The following PDE4D variants were observed in gnomAD, a reference collection of about 807,000 sequenced individuals.
PDE4D encodes the protein 3',5'-cyclic-AMP phosphodiesterase 4D.
In PDE4D, 24 loss-of-function variants were observed where a neutral mutation model predicts 87.4. The ratio of observed to expected loss-of-function variants is 0.27; its 90% CI spans 0.20 to 0.39. The LOEUF (loss-of-function observed/expected upper bound fraction) is 0.39. PDE4D is among the 10% of genes least tolerant of loss of function. PDE4D has a pLI of 1.00. For missense variants in PDE4D, 714 were observed against 1,041.0 expected, an observed-to-expected ratio of 0.69 and a Z score of 4.32; for synonymous variants, 384 against 383.2, an observed-to-expected ratio of 1.00 and a Z score of -0.02.
At chr5:59,703,703 T>C (rs377473022) in intron 1 of PDE4D, 1 of 480,642 alleles carries the variant, frequency 2.1e-6, no homozygotes, top group Non-Finnish European at 4.4e-6. Context: ...AGAGCACAGA[T>C]TGACTTGTTG....
intron 1 of PDE4D, among the ~76,000 whole-genome samples, chr5:59,724,815 T>C (rs1198350519): frequency 1.3e-5 from 2 of 152,140 alleles, no homozygotes. Flanking sequence ...ACTAGAGCTT[T>C]TGTGTACTTG....
chr5:59,478,856 G>A (rs1404392863), intron 1 of PDE4D, among the ~76,000 whole-genome samples: 1 of 151,952 alleles, frequency 6.6e-6, no homozygotes, highest in Non-Finnish European at 1.5e-5. Flanking sequence ...TAGAAAAGTA[G>A]CACTTAACAT....
At chr5:59,617,368 C>A (rs1392203875) in intron 1 of PDE4D, among the ~76,000 whole-genome samples, 1 of 152,144 alleles carries the variant, frequency 6.6e-6, no homozygotes, top group African/African-American at 2.4e-5. Flanking sequence ...TAATATTGAT[C>A]TATGAATGTA....
intron 1 of PDE4D, among the ~76,000 whole-genome samples, chr5:59,284,205 C>A (rs1258976174): frequency 6.6e-6 from 1 of 152,142 alleles, no homozygotes; most frequent in Non-Finnish European, 1.5e-5. Context: ...TCTGGCCATG[C>A]AAATCTCTAG....
At chr5:59,203,309 T>G (rs1747965743) in intron 2 of PDE4D, among the ~76,000 whole-genome samples, 1 of 144,684 alleles carries the variant, frequency 6.9e-6, no homozygotes, top group African/African-American at 2.5e-5. Flanking sequence ...ACACCTATAA[T>G]AGTTTTTTTT....
intron 1 of PDE4D, among the ~76,000 whole-genome samples, chr5:59,242,440 T>G (rs1035991155): frequency 6.6e-6 from 1 of 152,098 alleles, no homozygotes; most frequent in African/African-American, 2.4e-5. Context: ...GCATTTGATC[T>G]CAACTCAATT....
chr5:60,070,187 A>G (rs966048455), intron 2 of PDE4D, among the ~76,000 whole-genome samples: 6 of 151,942 alleles, frequency 3.9e-5, no homozygotes, highest in Non-Finnish European at 7.4e-5. Flanking sequence ...TTTCTTACCC[A>G]ATTGCTCTAG....
intron 6 of PDE4D, among the ~76,000 whole-genome samples, chr5:59,024,271 G>A (rs1251238050): frequency 1.6e-5 from 2 of 122,582 alleles, no homozygotes; most frequent in Non-Finnish European, 3.5e-5. Flanking sequence ...CACGATCTTG[G>A]CTCACTGCAA....
chr5:60,203,592 G>A lies in PDE4D; in HGVS notation c.-89-17905C>T, dbSNP rs149656404. ...AATCTAATTTTTCTACAGCGAACAC[G>A]TGGGCTATTTCTATCAAATATGTTT... On this transcript the variant is annotated intron_variant, in intron 1 of 16. Transcript: ENST00000502484. Among the ~76,000 whole-genome samples the A allele has an allele frequency of 2.9e-3, 434 of 152,260 alleles. 3 individuals are homozygous for A. The highest frequency in any genetic ancestry group is 9.9e-3 in the African/African-American group (413 of 41,522).
chr5:60,337,351 C>CAAAATATATATATATATATATA (rs1491477498), intron 1 of PDE4D, among the ~76,000 whole-genome samples: 1 of 62,230 alleles, frequency 1.6e-5, no homozygotes, highest in Non-Finnish European at 3.3e-5. Context: ...AACAAACAAA[C>CAAAATATATATATATATATATA]TATATATATA....
chr5:59,268,260 T>TA (rs1454151495), intron 1 of PDE4D, among the ~76,000 whole-genome samples: 1 of 152,092 alleles, frequency 6.6e-6, no homozygotes, highest in African/African-American at 2.4e-5. Flanking sequence ...AATAAATACT[T>TA]ACAATATTGC....
intron 1 of PDE4D, among the ~76,000 whole-genome samples, chr5:59,255,515 G>C (rs1369119060): frequency 6.6e-6 from 1 of 152,010 alleles, no homozygotes; most frequent in Admixed American, 6.6e-5. Flanking sequence ...ATTGATTTTG[G>C]TGACGGTTGC....
intron 2 of PDE4D, among the ~76,000 whole-genome samples, chr5:60,036,986 A>G (rs1323730929): frequency 1.3e-5 from 2 of 152,220 alleles, no homozygotes; most frequent in African/African-American, 4.8e-5. Context: ...TCTTATAAAA[A>G]ACGCTACCTC....
intron 1 of PDE4D, among the ~76,000 whole-genome samples, chr5:59,431,346 G>A (rs1387447773): frequency 2.0e-5 from 3 of 152,142 alleles, no homozygotes; most frequent in African/African-American, 7.2e-5. Context: ...ATTTGCTAGA[G>A]TTATAGCAAC....
intron 1 of PDE4D, among the ~76,000 whole-genome samples, chr5:59,593,598 T>C (rs1826215226): frequency 6.6e-6 from 1 of 152,154 alleles, no homozygotes; most frequent in East Asian, 1.9e-4. Flanking sequence ...TCAACTCTTC[T>C]TAGATCCATA....
At chr5:59,337,331 C>T (rs981696615) in intron 1 of PDE4D, among the ~76,000 whole-genome samples, 12 of 132,104 alleles carry the variant, frequency 9.1e-5, no homozygotes, top group East Asian at 4.1e-4. Flanking sequence ...GTTCCCCCCC[C>T]CCCACCTTTT....
At chr5:59,714,253 G>A (rs945670507) in intron 1 of PDE4D, among the ~76,000 whole-genome samples, 1 of 152,230 alleles carries the variant, frequency 6.6e-6, no homozygotes, top group Admixed American at 6.5e-5. Flanking sequence ...ACTTTGTGGA[G>A]ATAACTGTCT....
chr5:60,106,598 A>G (rs1202634918), intron 2 of PDE4D, among the ~76,000 whole-genome samples: 4 of 150,688 alleles, frequency 2.7e-5, no homozygotes, highest in Non-Finnish European at 4.5e-5. Flanking sequence ...AATTGACCAC[A>G]TAGTTGGAAG....
intron 1 of PDE4D, among the ~76,000 whole-genome samples, chr5:59,260,755 G>A (rs1761857409): frequency 6.6e-6 from 1 of 151,644 alleles, no homozygotes; most frequent in Non-Finnish European, 1.5e-5. Context: ...AATTACTTAA[G>A]GAGGGATGAC....
Sources: gnomAD v4.1 joint callset for allele counts (sites outside exome capture counted in the v4.1 genomes callset) on GRCh38, gnomAD v4.1.1 for gene constraint, MANE v1.5 for transcripts, NCBI Gene and HGNC (gene_info 2026-07-23, HGNC 2026-07-21) for gene names.